The following DCAF6 variants were observed in gnomAD, a reference collection of about 807,000 sequenced individuals.
DCAF6 encodes DDB1- and CUL4-associated factor 6.
DCAF6 carries 54 observed loss-of-function variants against 125.1 expected under a neutral mutation model. The ratio of observed to expected loss-of-function variants is 0.43; its 90% CI spans 0.35 to 0.54. The LOEUF (loss-of-function observed/expected upper bound fraction) is 0.54. Ranked by LOEUF, DCAF6 falls within the 20% of genes least tolerant of loss-of-function variation. DCAF6 has a pLI of 0.01. For synonymous variants in DCAF6, 371 were observed against 390.4 expected, an observed-to-expected ratio of 0.95 and a Z score of 0.58; for missense variants, 934 against 1,161.7, an observed-to-expected ratio of 0.80 and a Z score of 2.85.
intron 2 of DCAF6, among the ~76,000 whole-genome samples, chr1:167,965,016 C>T (rs1676181909): frequency 6.6e-6 from 1 of 152,176 alleles, no homozygotes. Flanking sequence ...CTTACAGTTC[C>T]AACAGTCCTG....
intron 10 of DCAF6, among the ~76,000 whole-genome samples, chr1:168,013,230 G>A (rs1349794853): frequency 1.3e-5 from 2 of 152,110 alleles, no homozygotes. Context: ...TATTGGTACT[G>A]GATCATTTTC....
chr1:167,961,443 C>T (rs1010927351), intron 2 of DCAF6, among the ~76,000 whole-genome samples: 13 of 152,058 alleles, frequency 8.5e-5, no homozygotes, highest in African/African-American at 1.4e-4. Flanking sequence ...GGGGTTTCAT[C>T]GTGTTAGCCA....
At chr1:167,893,720 G>C in the DCAF6 span, 2 of 386,576 alleles carry the variant, frequency 5.2e-6, no homozygotes, top group East Asian at 6.2e-5. Context: ...AAAAAAAAAA[G>C]GAAGTCTTTT....
rs182817391 is a variant in DCAF6 at position 167,968,289 on chromosome 1, A to G, written c.252+1568A>G. 1.4e-3 allele frequency among the ~76,000 whole-genome samples: 206 copies of G among 152,312 alleles called. 1 individual carries two copies. Among genetic ancestry groups the G allele is most frequent in the African/African-American group, 4.8e-3 (200 of 41,572 alleles). ...AAGGTCTCTATAAAATACAGAAATA[A>G]CAGATACTATGAACCGCCACTAACC... On this transcript the variant is annotated intron_variant, in intron 3 of 21. Transcript: ENST00000367840.
At chr1:167,869,462 A>G in the DCAF6 span, among the ~76,000 whole-genome samples, 43 of 152,264 alleles carry the variant, frequency 2.8e-4, no homozygotes, top group African/African-American at 1.0e-3. Flanking sequence ...ATTGTTTTAT[A>G]TTGTTTTATA....
At chr1:167,941,558 G>A (rs1672241042) in intron 1 of DCAF6, among the ~76,000 whole-genome samples, 1 of 152,052 alleles carries the variant, frequency 6.6e-6, no homozygotes, top group Non-Finnish European at 1.5e-5. Context: ...TACTAGATGG[G>A]ATGCATTCTG....
the DCAF6 span, among the ~76,000 whole-genome samples, chr1:167,916,395 C>T: frequency 3.3e-4 from 50 of 152,096 alleles, no homozygotes; most frequent in East Asian, 7.7e-4. Flanking sequence ...TTAGTAGAGA[C>T]GGGGTTTTAC....
At chr1:167,904,536 T>A in the DCAF6 span, 1 of 336,132 alleles carries the variant, frequency 3.0e-6, no homozygotes, top group Non-Finnish European at 5.4e-6. Flanking sequence ...TGTACAGTGA[T>A]AACTGCAACT....
chr1:167,916,070 AATT>A, the DCAF6 span, among the ~76,000 whole-genome samples: 1 of 152,318 alleles, frequency 6.6e-6, no homozygotes, highest in African/African-American at 2.4e-5. Context: ...CCACTGTGGA[AATT>A]ATTTTTACGG....
the DCAF6 span, chr1:167,870,334 C>T: frequency 6.2e-7 from 1 of 1,613,970 alleles, no homozygotes; most frequent in Non-Finnish European, 8.5e-7. Flanking sequence ...ATCCCTCATA[C>T]ATTAAGACTT....
chr1:168,047,745 G>T (rs1387933439), intron 16 of DCAF6, among the ~76,000 whole-genome samples: 1 of 151,876 alleles, frequency 6.6e-6, no homozygotes, highest in Non-Finnish European at 1.5e-5. Context: ...GTATACTGAG[G>T]TAATTAGAAA....
chr1:167,954,382 T>C (rs1021551484), intron 2 of DCAF6, among the ~76,000 whole-genome samples: 2 of 152,222 alleles, frequency 1.3e-5, no homozygotes, highest in African/African-American at 2.4e-5. Flanking sequence ...CTTTTTGTTA[T>C]TATATAATAA....
rs1223069845 is a variant in DCAF6 at position 168,004,854 on chromosome 1, G to A, written c.1378+61G>A. ...TTTGATAGTGAAAATTTCTTTACTG[G>A]CTATTTTGAAAGATACTAAATCACA... On this transcript the variant is annotated intron_variant, in intron 10 of 21. Coordinates refer to ENST00000367840, the MANE Select transcript of DCAF6 (RefSeq NM_001198956.2). The A allele has an allele frequency of 4.5e-6, 7 of 1,549,318 alleles. No homozygotes were observed. The South Asian group carries it at 8.4e-5, about 19-fold the overall frequency.
At chr1:167,916,149 G>A in the DCAF6 span, among the ~76,000 whole-genome samples, 1 of 152,218 alleles carries the variant, frequency 6.6e-6, no homozygotes, top group Non-Finnish European at 1.5e-5. Context: ...GAGAATAGTT[G>A]TGAAACTGAT....
At chr1:167,975,346 T>G (rs1424995729) in intron 4 of DCAF6, among the ~76,000 whole-genome samples, 3 of 152,222 alleles carry the variant, frequency 2.0e-5, no homozygotes, top group Non-Finnish European at 2.9e-5. Flanking sequence ...GGCTTTACCC[T>G]TTTAAACAAT....
chr1:168,006,378 A>G (rs1343468495), intron 10 of DCAF6, among the ~76,000 whole-genome samples: 1 of 152,186 alleles, frequency 6.6e-6, no homozygotes, highest in African/African-American at 2.4e-5. Flanking sequence ...AATATTTTTA[A>G]CTGGGAGATT....
At chr1:167,918,679 T>C in the DCAF6 span, among the ~76,000 whole-genome samples, 2 of 149,256 alleles carry the variant, frequency 1.3e-5, no homozygotes, top group Admixed American at 6.7e-5. Context: ...CTGCAAGCTC[T>C]GCCTCCCGGG....
chr1:167,951,133 G>A (rs981225881), intron 1 of DCAF6, among the ~76,000 whole-genome samples: 3 of 152,154 alleles, frequency 2.0e-5, no homozygotes, highest in African/African-American at 7.2e-5. Flanking sequence ...TAAGCAGGCA[G>A]AAATCTTTTT....
At chr1:167,967,775 G>A (rs1022491205) in intron 3 of DCAF6, among the ~76,000 whole-genome samples, 5 of 140,042 alleles carry the variant, frequency 3.6e-5, no homozygotes, top group African/African-American at 1.3e-4. Flanking sequence ...CAGGCTGGAA[G>A]GCTGGAGTAC....
Sources: gnomAD v4.1 joint callset for allele counts (sites outside exome capture counted in the v4.1 genomes callset) on GRCh38, gnomAD v4.1.1 for gene constraint, MANE v1.5 for transcripts, NCBI Gene and HGNC (gene_info 2026-07-23, HGNC 2026-07-21) for gene names.